Variants in RETREG2 observed in about 807,000 individuals in gnomAD.
The protein encoded by RETREG2 is reticulophagy regulator 2.
RETREG2 carries 21 observed loss-of-function variants against 51.6 expected under a neutral mutation model. The observed-to-expected ratio is 0.41, with a 90% CI of 0.29 to 0.59. The LOEUF (loss-of-function observed/expected upper bound fraction) is 0.59. Ranked by LOEUF, RETREG2 falls within the 20% of genes least tolerant of loss-of-function variation. RETREG2 has a pLI of 0.34. For missense variants in RETREG2, 674 were observed against 646.0 expected, an observed-to-expected ratio of 1.04 and a Z score of -0.47; for synonymous variants, 339 against 288.6, an observed-to-expected ratio of 1.17 and a Z score of -1.77.
intron 1 of RETREG2, 85 bp from the exon 2 acceptor site, chr2:219,178,837 A>T (rs1950230301): frequency 8.8e-7 from 1 of 1,134,780 alleles, no homozygotes; most frequent in Admixed American, 2.1e-5. Context: ...CCATTACCCC[A>T]TCAGTAGGCG....
At chr2:219,179,456 C>T (rs1950244003) in intron 2 of RETREG2, among the ~76,000 whole-genome samples, 1 of 152,190 alleles carries the variant, frequency 6.6e-6, no homozygotes, top group African/African-American at 2.4e-5. Context: ...AATAGAACGT[C>T]AGTGTTGTTT....
chr2:219,179,088 T>A lies in RETREG2; in HGVS notation c.388+60T>A, dbSNP rs1950236475. The stretch of plus-strand genomic sequence containing the variant: ...GTACTTGCTTGGTGCCTGATTCCGC[T>A]GGGTGGGGTTAAGTGGCGAGGGGAA... On this transcript the variant is annotated intron_variant, in intron 2 of 8. Transcript: ENST00000430297. 3 of 1,303,326 alleles carry A rather than the reference T, an allele frequency of 2.3e-6. No homozygotes were observed. In the Admixed American group the frequency reaches 5.0e-5, roughly 22 times the overall value. The allele number at this position is 1,303,326 out of a possible 1,614,324, so 80.7% of individuals were successfully genotyped here.
In RETREG2 at chr2:219,178,602, G is replaced by C; in HGVS notation, c.250G>C (p.Val84Leu). The change falls in exon 1 of 9, where the codon GTC (valine) becomes CTC (leucine). Residue 84 changes from valine to leucine, a missense_variant. Val to Leu is a conservative substitution (Grantham distance 32). Transcript: ENST00000430297. ...LVWEKPLHSLVTAAALNGLFW... is the reference protein window; with the variant it reads ...LVWEKPLHSLLTAAALNGLFW... The stretch of plus-strand genomic sequence containing the variant: ...GTGGGAGAAGCCGCTGCACAGCCTG[G>C]TCACGGCGGCCGCGCTCAACGGCCT... The C allele has an allele frequency of 6.8e-7, 1 of 1,467,796 alleles. No homozygotes were observed. Among genetic ancestry groups the C allele is most frequent in the South Asian group, 1.3e-5 (1 of 76,658 alleles). The allele number at this position is 1,467,796 out of a possible 1,614,324, so 90.9% of individuals were successfully genotyped here.
chr2:219,180,364 C>T (rs933155205), intron 4 of RETREG2, 119 bp downstream of exon 4: 32 of 1,376,872 alleles, frequency 2.3e-5, no homozygotes, highest in Non-Finnish European at 2.5e-5. Flanking sequence ...GAGGCCTGGG[C>T]GCCTTCTTGA....
intron 2 of RETREG2, among the ~76,000 whole-genome samples, chr2:219,179,365 C>G (rs1362625171): frequency 6.6e-6 from 1 of 152,166 alleles, no homozygotes; most frequent in African/African-American, 2.4e-5. Flanking sequence ...ATAGAACTTA[C>G]TTCATAGAGA....
intron 3 of RETREG2, 83 bp downstream of exon 3, chr2:219,179,846 T>A: frequency 6.9e-7 from 1 of 1,440,066 alleles, no homozygotes; most frequent in South Asian, 1.1e-5. Flanking sequence ...AGCAGGGCAG[T>A]GCCCCAGCAT....
In RETREG2 at chr2:219,183,428, C is replaced by T. The variant is rs7017; in HGVS notation, c.*799C>T. ...GTGTAGTGGGACCCCCTACTAGGGT[C>T]AGGAAGTGGACACTAACATCTGTGC... On this transcript the variant is annotated 3_prime_UTR_variant, in exon 9 of 9. Coordinates refer to ENST00000430297, the MANE Select transcript of RETREG2 (RefSeq NM_024293.6). 0.5 allele frequency: 75,771 copies of T among 152,108 alleles called. 20,753 individuals carry two copies. Among genetic ancestry groups the T allele is most frequent in the Non-Finnish European group, 0.62 (42,388 of 67,994 alleles). 9.4% of individuals were successfully genotyped at this position (152,108 alleles called of 1,614,324 possible).
chr2:219,180,779 AT>A, intron 5 of RETREG2, 25 bp downstream of exon 5: 3 of 1,612,392 alleles, frequency 1.9e-6, no homozygotes, highest in Non-Finnish European at 2.5e-6. Context: ...TCCCTGCCCT[AT>A]TTAAAGCCCT....
Position 219,182,522 on chromosome 2 carries a change from T to C in RETREG2, c.1525T>C (p.Leu509=). The C allele has an allele frequency of 1.2e-6, 2 of 1,614,136 alleles. No homozygotes were observed. The highest frequency in any genetic ancestry group is 1.7e-6 in the Non-Finnish European group (2 of 1,180,018). ...GGAGCAGCTGAATGCAGAGCTGGGC[T>C]TGGAGCCAGAGACACCGCCAAAACC... is the stretch of plus-strand genomic sequence containing the variant. ...ELEQLNAELG[L]EPETPPKPPD... The change falls in exon 9 of 9, where the codon TTG becomes CTG. Residue 509 remains leucine, a synonymous_variant. Coordinates refer to ENST00000430297, the MANE Select transcript of RETREG2 (RefSeq NM_024293.6).
intron 1 of RETREG2, 22 bp downstream of exon 1, chr2:219,178,655 GC>G: frequency 1.4e-6 from 2 of 1,433,596 alleles, no homozygotes; most frequent in Admixed American, 3.1e-5. Context: ...GGAGGAGGGG[GC>G]GGGGCCGGGA....
At position 219,178,348 on chromosome 2, in the gene RETREG2, G is replaced by A. The variant is rs1950217539; in HGVS notation, c.-5G>A. 1 of 438,670 alleles carries A rather than the reference G, an allele frequency of 2.3e-6. No individual in the cohort carries two copies. Among genetic ancestry groups the A allele is most frequent in the Non-Finnish European group, 4.0e-6 (1 of 250,396 alleles). The allele number at this position is 438,670 out of a possible 1,614,324, so 27.2% of individuals were successfully genotyped here. A position where few individuals can be genotyped will look rare whatever the true frequency, so the allele number is the denominator to read the frequency against. The stretch of plus-strand genomic sequence containing the variant: ...GCGGGCTCGGGCGGCGGCTGCGGCG[G>A]GGCTATGGCGAGCGGCGGTGGCGGG... On this transcript the variant is annotated 5_prime_UTR_variant, in exon 1 of 9. Transcript: ENST00000430297.
Position 219,178,459 on chromosome 2 carries a change from C to T in RETREG2, c.107C>T (p.Thr36Ile). 1.1e-6 allele frequency: 1 copy of T among 882,926 alleles called. No individual in the cohort carries two copies. The allele number at this position is 882,926 out of a possible 1,614,324, so 54.7% of individuals were successfully genotyped here. A position where few individuals can be genotyped will look rare whatever the true frequency, so the allele number is the denominator to read the frequency against. Residue 36 changes from threonine (T) to isoleucine (I), a missense_variant, in exon 1 of 9, where the codon ACC becomes ATC. Thr to Ile is a moderately conservative substitution (Grantham distance 89). Coordinates refer to ENST00000430297, the MANE Select transcript of RETREG2 (RefSeq NM_024293.6). Reference protein sequence around the residue: ...LGLSLGMSEATSEAEEEAATA... With the variant: ...LGLSLGMSEAISEAEEEAATA... ...CTGAGCCTAGGCATGAGTGAGGCCACCAGTGAGGCAGAGGAGGAGGCGGCC... is the reference window on the plus strand; with the variant it reads ...CTGAGCCTAGGCATGAGTGAGGCCATCAGTGAGGCAGAGGAGGAGGCGGCC...
chr2:219,179,181 G>T (rs1204353865), intron 2 of RETREG2, among the ~76,000 whole-genome samples, 153 bp downstream of exon 2: 3 of 152,184 alleles, frequency 2.0e-5, no homozygotes, highest in Non-Finnish European at 4.4e-5. Context: ...CCTAAAATGA[G>T]AATTGCCCCT....
Position 219,182,278 on chromosome 2 carries a change from A to T in RETREG2, c.1281A>T (p.Gly427=). ...CAGATGGAGTGAAATGCTCCCCTGGAGGACCAGTGGAGACACTGAGCCCCG... is the reference window on the plus strand; with the variant it reads ...CAGATGGAGTGAAATGCTCCCCTGGTGGACCAGTGGAGACACTGAGCCCCG... ...SPPDGVKCSP[G]GPVETLSPET... The change falls in exon 9 of 9, where the codon GGA becomes GGT. Residue 427 remains glycine, a synonymous_variant. Coordinates refer to ENST00000430297, the MANE Select transcript of RETREG2 (RefSeq NM_024293.6). 3.1e-6 allele frequency: 5 copies of T among 1,613,970 alleles called. No homozygotes were observed. The highest frequency in any genetic ancestry group is 4.2e-6 in the Non-Finnish European group (5 of 1,179,960).
intron 5 of RETREG2, 37 bp downstream of exon 5, chr2:219,180,791 CTCCTT>C (rs1333997414): frequency 6.2e-7 from 1 of 1,608,844 alleles, no homozygotes; most frequent in Non-Finnish European, 8.5e-7. Flanking sequence ...TTAAAGCCCT[CTCCTT>C]TCTTCTTTCC....
In RETREG2 at chr2:219,183,669, C is replaced by T. The variant is rs1352831853; in HGVS notation, c.*1040C>T. ...GCTTCTCCTTAGCCATCTTCCTTGA[C>T]AGTGTGATCTGTTTAGTGAGATTTA... On this transcript the variant is annotated 3_prime_UTR_variant, in exon 9 of 9. Transcript: ENST00000430297. The T allele has an allele frequency of 2.6e-5, 4 of 152,012 alleles. No individual in the cohort carries two copies. The highest frequency in any genetic ancestry group is 5.9e-5 in the Non-Finnish European group (4 of 68,030). The allele number at this position is 152,012 out of a possible 1,614,324, so 9.4% of individuals were successfully genotyped here. A position where few individuals can be genotyped will look rare whatever the true frequency, so the allele number is the denominator to read the frequency against.
chr2:219,182,595 C>T lies in RETREG2; in HGVS notation c.1598C>T (p.Ser533Leu), dbSNP rs1449661285. 1 of 1,614,186 alleles carries T rather than the reference C, an allele frequency of 6.2e-7. No individual in the cohort carries two copies. The highest frequency in any genetic ancestry group is 1.7e-5 in the Admixed American group (1 of 60,030). The change falls in exon 9 of 9, where the codon TCA (serine) becomes TTA (leucine). Residue 533 changes from serine (S) to leucine (L), a missense_variant. By Grantham distance (145) the Ser-to-Leu change is moderately radical. Transcript: ENST00000430297. ...LGPDIHSLVQ[S>L]DQEAQAVAEP ...CCCGACATCCATTCTCTGGTACAGT[C>T]AGACCAAGAAGCTCAGGCCGTGGCA...
intron 2 of RETREG2, 73 bp from the exon 3 acceptor site, chr2:219,179,660 A>C: frequency 2.1e-6 from 3 of 1,450,854 alleles, no homozygotes; most frequent in Non-Finnish European, 1.9e-6. Flanking sequence ...AGGAGGGACA[A>C]CTATTTCTGC....
Position 219,178,412 on chromosome 2 carries a change from G to T in RETREG2, c.60G>T (p.Leu20=). ...TGAGGGPGMG[L]SLGLGLGLSL... is the part of the protein sequence containing the mutation. ...CGGGTGGGGGGCCGGGGATGGGCCT[G>T]AGCCTGGGCCTGGGTCTGGGTCTGA... is the stretch of plus-strand genomic sequence containing the variant. Residue 20 remains leucine (L), a synonymous_variant, in exon 1 of 9, where the codon CTG becomes CTT. Coordinates refer to ENST00000430297, the MANE Select transcript of RETREG2 (RefSeq NM_024293.6). 1.7e-6 allele frequency: 1 copy of T among 577,708 alleles called. No individual in the cohort carries two copies. The allele number at this position is 577,708 out of a possible 1,614,324, so 35.8% of individuals were successfully genotyped here. A position where few individuals can be genotyped will look rare whatever the true frequency, so the allele number is the denominator to read the frequency against.
Sources: allele counts gnomAD v4.1 joint callset (sites outside exome capture counted in the v4.1 genomes callset), GRCh38; gene constraint gnomAD v4.1.1; transcripts MANE v1.5; gene names NCBI Gene and HGNC (gene_info 2026-07-23, HGNC 2026-07-21).